The following RABGAP1L variants were observed in gnomAD, a reference collection of about 807,000 sequenced individuals.
RABGAP1L encodes rab GTPase-activating protein 1-like.
Under a neutral mutation model 137.7 loss-of-function variants are expected in RABGAP1L, and 63 were observed. The ratio of observed to expected loss-of-function variants is 0.46; its 90% CI spans 0.37 to 0.56. The LOEUF (loss-of-function observed/expected upper bound fraction) is 0.56, where lower values mean the gene tolerates loss of function less well. Among genes scored for constraint, RABGAP1L ranks in the 20% least tolerant of loss-of-function variants. The probability of loss-of-function intolerance (pLI) is 0.00; values close to 1 mark genes in which losing one functional copy is unlikely to be tolerated. For synonymous variants in RABGAP1L, 431 were observed against 433.7 expected (o/e 0.99, Z 0.08); for missense variants, 1,095 against 1,244.0 (o/e 0.88, Z 1.80).
At chr1:174,801,942 C>T (rs1343615350) in intron 18 of RABGAP1L, among the ~76,000 whole-genome samples, 2 of 152,204 alleles carry the variant, frequency 1.3e-5, no homozygotes, top group Non-Finnish European at 2.9e-5. Context: ...AACTTTGTGA[C>T]TCAAAGGCTT....
At chr1:174,291,805 A>C (rs1383083286) in intron 10 of RABGAP1L, among the ~76,000 whole-genome samples, 1 of 151,442 alleles carries the variant, frequency 6.6e-6, no homozygotes, top group East Asian at 1.9e-4. Context: ...ACATTGGTTA[A>C]TTTATTTGTT....
chr1:174,268,787 A>G (rs899357171), intron 7 of RABGAP1L, among the ~76,000 whole-genome samples: 4 of 152,178 alleles, frequency 2.6e-5, no homozygotes, highest in African/African-American at 9.7e-5. Flanking sequence ...AAAGCTGCTT[A>G]AAGTTCTATT....
chr1:174,636,032 G>T (rs16847271), intron 13 of RABGAP1L, among the ~76,000 whole-genome samples: 13,601 of 152,196 alleles, frequency 0.089, 825 homozygotes, highest in East Asian at 0.22. Flanking sequence ...TTAGTAGTCT[G>T]ATGTGAATTG....
At chr1:174,386,027 T>C (rs1489086984) in intron 12 of RABGAP1L, among the ~76,000 whole-genome samples, 1 of 152,218 alleles carries the variant, frequency 6.6e-6, no homozygotes, top group African/African-American at 2.4e-5. Context: ...AATTTGATAG[T>C]GTCAGAGAAA....
chr1:174,384,117 A>G (rs934776731), intron 12 of RABGAP1L, among the ~76,000 whole-genome samples: 2 of 152,252 alleles, frequency 1.3e-5, no homozygotes, highest in Non-Finnish European at 1.5e-5. Context: ...GAACTGATAT[A>G]CATTACAACT....
chr1:174,434,613 A>G (rs557186543), intron 13 of RABGAP1L, among the ~76,000 whole-genome samples: 3 of 152,292 alleles, frequency 2.0e-5, no homozygotes, highest in South Asian at 2.1e-4. Flanking sequence ...CAGTTGTTCT[A>G]TATCCCTACC....
At chr1:174,679,355 A>G (rs1284670868) in intron 14 of RABGAP1L, among the ~76,000 whole-genome samples, 1 of 152,208 alleles carries the variant, frequency 6.6e-6, no homozygotes, top group African/African-American at 2.4e-5. Flanking sequence ...GACGCATGAA[A>G]GGCATTTTAT....
intron 13 of RABGAP1L, among the ~76,000 whole-genome samples, chr1:174,414,244 T>A (rs879463335): frequency 2.6e-5 from 4 of 152,118 alleles, no homozygotes; most frequent in Non-Finnish European, 4.4e-5. Flanking sequence ...AATTTTCCAA[T>A]ACAGTTTTTA....
At chr1:174,462,648 A>G (rs1233650236) in intron 13 of RABGAP1L, among the ~76,000 whole-genome samples, 1 of 152,182 alleles carries the variant, frequency 6.6e-6, no homozygotes, top group African/African-American at 2.4e-5. Context: ...TAGTGAGCAT[A>G]GTACCCAATA....
chr1:174,676,152 G>A (rs1481036975), intron 14 of RABGAP1L, among the ~76,000 whole-genome samples: 3 of 152,142 alleles, frequency 2.0e-5, no homozygotes, highest in Non-Finnish European at 4.4e-5. Context: ...AAATATTTTA[G>A]TTATCCTGTG....
chr1:174,939,442 T>C (rs1035200886), intron 19 of RABGAP1L, among the ~76,000 whole-genome samples: 1 of 151,248 alleles, frequency 6.6e-6, no homozygotes, highest in Non-Finnish European at 1.5e-5. Flanking sequence ...CCTGTTACCA[T>C]CTACTTGGGA....
At chr1:174,686,194 C>G (rs1196673892) in intron 15 of RABGAP1L, among the ~76,000 whole-genome samples, 1 of 152,142 alleles carries the variant, frequency 6.6e-6, no homozygotes, top group Non-Finnish European at 1.5e-5. Context: ...GTTTAGCATT[C>G]TGGAAGTGAA....
At chr1:174,374,240 C>T (rs1685332279) in intron 12 of RABGAP1L, among the ~76,000 whole-genome samples, 1 of 152,128 alleles carries the variant, frequency 6.6e-6, no homozygotes, top group Admixed American at 6.5e-5. Context: ...TTACATGGAC[C>T]TCCATGCATC....
At chr1:174,620,851 T>G (rs1672387914) in intron 13 of RABGAP1L, among the ~76,000 whole-genome samples, 1 of 152,002 alleles carries the variant, frequency 6.6e-6, no homozygotes, top group Non-Finnish European at 1.5e-5. Flanking sequence ...CAGGAGCTGG[T>G]TTTTTGAAAG....
In RABGAP1L at chr1:174,507,773, T is replaced by C. The variant is rs564098956; in HGVS notation, c.1710+113628T>C. Reference sequence around the variant, plus strand: ...AGGGTCAATGAACCCTAAAACCTGATGGTAGATAATAAAATATTGCTGAAT... The same window carrying C: ...AGGGTCAATGAACCCTAAAACCTGACGGTAGATAATAAAATATTGCTGAAT... On this transcript the variant is annotated intron_variant, in intron 13 of 25. Coordinates refer to ENST00000681986, the MANE Select transcript of RABGAP1L (RefSeq NM_001366446.1). 1.0e-3 allele frequency among the ~76,000 whole-genome samples: 156 copies of C among 152,178 alleles called. 1 individual carries two copies. Among genetic ancestry groups the C allele is most frequent in the Admixed American group, 4.3e-3 (65 of 15,284 alleles).
At chr1:174,743,218 C>G (rs964018583) in intron 17 of RABGAP1L, among the ~76,000 whole-genome samples, 3 of 152,238 alleles carry the variant, frequency 2.0e-5, no homozygotes, top group Admixed American at 2.0e-4. Context: ...ATGTAAGAAA[C>G]AGGAACTAGA....
chr1:174,743,956 G>A (rs908770323), intron 17 of RABGAP1L, among the ~76,000 whole-genome samples: 3 of 151,146 alleles, frequency 2.0e-5, no homozygotes, highest in African/African-American at 7.3e-5. Flanking sequence ...GAAAGGAAGG[G>A]TGGGAGTCAT....
intron 17 of RABGAP1L, among the ~76,000 whole-genome samples, chr1:174,732,126 A>C (rs1270101404): frequency 6.6e-6 from 1 of 152,022 alleles, no homozygotes; most frequent in Non-Finnish European, 1.5e-5. Flanking sequence ...TTGGACCTGG[A>C]AGGTGGAGGT....
At chr1:174,514,383 A>G (rs976913766) in intron 13 of RABGAP1L, among the ~76,000 whole-genome samples, 15 of 152,146 alleles carry the variant, frequency 9.9e-5, no homozygotes, top group Admixed American at 6.6e-4. Context: ...AAGGAAGTAG[A>G]ACAGCAGCCA....
Sources: gnomAD v4.1 joint callset for allele counts (sites outside exome capture counted in the v4.1 genomes callset) on GRCh38, gnomAD v4.1.1 for gene constraint, MANE v1.5 for transcripts, NCBI Gene and HGNC (gene_info 2026-07-23, HGNC 2026-07-21) for gene names.